Variants in MALRD1 observed in about 807,000 individuals in gnomAD.
The protein encoded by MALRD1 is MAM and LDL receptor class A domain containing 1.
Under a neutral mutation model 242.1 loss-of-function variants are expected in MALRD1, and 247 were observed. That is an observed-to-expected ratio of 1.02 (90% CI 0.92 to 1.13). The LOEUF is 1.13. Ranked by LOEUF, MALRD1 falls within the 50% of genes most tolerant of loss-of-function variation. The pLI, the probability that MALRD1 is intolerant of heterozygous loss-of-function variation, is 0.00. For missense variants in MALRD1, 2,989 were observed against 2,533.1 expected (o/e 1.18, Z -3.86); for synonymous variants, 995 against 866.6 (o/e 1.15, Z -2.60).
At chr10:19,552,867 A>G (rs1357964275) in intron 32 of MALRD1, among the ~76,000 whole-genome samples, 2 of 152,144 alleles carry the variant, frequency 1.3e-5, no homozygotes, top group African/African-American at 2.4e-5. Flanking sequence ...TTCAAGCTAT[A>G]GTCCACAACA....
chr10:19,389,099 CT>C, intron 27 of MALRD1: 12 of 365,024 alleles, frequency 3.3e-5, no homozygotes, highest in Admixed American at 7.3e-5. Context: ...CCATATCACT[CT>C]TTTTTTTAGA....
intron 18 of MALRD1, among the ~76,000 whole-genome samples, chr10:19,253,369 A>G (rs1839377440): frequency 6.6e-6 from 1 of 152,032 alleles, no homozygotes; most frequent in East Asian, 1.9e-4. Flanking sequence ...ACTTATGGCA[A>G]TAAGTATAGA....
At chr10:19,501,990 G>T (rs1268547702) in intron 31 of MALRD1, among the ~76,000 whole-genome samples, 1 of 134,938 alleles carries the variant, frequency 7.4e-6, no homozygotes, top group African/African-American at 2.8e-5. Context: ...TTACTCCATT[G>T]CACTCCAGCA....
chr10:19,441,219 C>A (rs1368101940), intron 28 of MALRD1, among the ~76,000 whole-genome samples: 2 of 151,850 alleles, frequency 1.3e-5, no homozygotes, highest in Admixed American at 6.6e-5. Context: ...AATTTAAGTT[C>A]TTTGTAGATT....
intron 21 of MALRD1, among the ~76,000 whole-genome samples, chr10:19,313,814 A>G (rs1235709430): frequency 6.6e-6 from 1 of 151,500 alleles, no homozygotes; most frequent in Non-Finnish European, 1.5e-5. Context: ...TACAATATTG[A>G]AACAGGAACT....
intron 19 of MALRD1, among the ~76,000 whole-genome samples, chr10:19,258,309 T>A (rs924681778): frequency 1.3e-5 from 2 of 152,134 alleles, no homozygotes; most frequent in African/African-American, 4.8e-5. Flanking sequence ...TTAACCTGGA[T>A]GTCTAGAAGG....
Position 19,642,879 on chromosome 10 carries a change from G to T in MALRD1, c.6137+26956G>T, listed in dbSNP as rs75949824. On this transcript the variant is annotated intron_variant, in intron 36 of 39. Transcript: ENST00000454679. ...GAGAATATTTCTAATAGGTTTCAGG[G>T]AGTAGATGCTGATAGGCATGAGCAA... Among the ~76,000 whole-genome samples the T allele has an allele frequency of 9.2e-3, 1,399 of 152,232 alleles. 18 individuals are homozygous for T. Among genetic ancestry groups the T allele is most frequent in the African/African-American group, 0.032 (1,312 of 41,546 alleles).
At position 19,241,376 on chromosome 10, in the gene MALRD1, A is replaced by G. The variant is rs79684772; in HGVS notation, c.2992-16308A>G. 3.2e-3 allele frequency among the ~76,000 whole-genome samples: 483 copies of G among 152,132 alleles called. 1 individual carries two copies. The highest frequency in any genetic ancestry group is 0.011 in the African/African-American group (470 of 41,524). Reference sequence around the variant, plus strand: ...ATTTGTTGGCATATAGTTACGAGTAATGTCTTACAATCCCTTATATTTCTG... The same window carrying G: ...ATTTGTTGGCATATAGTTACGAGTAGTGTCTTACAATCCCTTATATTTCTG... On this transcript the variant is annotated intron_variant, in intron 18 of 39. Transcript: ENST00000454679.
chr10:19,270,774 C>A (rs901027459), intron 19 of MALRD1, among the ~76,000 whole-genome samples: 1 of 148,358 alleles, frequency 6.7e-6, no homozygotes, highest in African/African-American at 2.5e-5. Flanking sequence ...AAAACTTTTT[C>A]AGGAAAGAGG....
At chr10:19,251,839 C>T (rs1402511053) in intron 18 of MALRD1, among the ~76,000 whole-genome samples, 2 of 151,888 alleles carry the variant, frequency 1.3e-5, no homozygotes, top group Admixed American at 6.6e-5. Flanking sequence ...GCGAATTTCC[C>T]CTTGCTGTTT....
At position 19,427,799 on chromosome 10, in the gene MALRD1, C is replaced by A. The variant is rs192987055; in HGVS notation, c.4846-22508C>A. Among the ~76,000 whole-genome samples the A allele has an allele frequency of 2.8e-3, 424 of 152,144 alleles. 1 individual carries two copies. Among genetic ancestry groups the A allele is most frequent in the Non-Finnish European group, 2.6e-3 (177 of 68,016 alleles). On this transcript the variant is annotated intron_variant, in intron 28 of 39. Coordinates refer to ENST00000454679, the MANE Select transcript of MALRD1 (RefSeq NM_001142308.3). ...TATATAGAACATACCTACATGAGGGCTAAAAGAGTCCCAATCATTTTGCAG... is the reference window on the plus strand; with the variant it reads ...TATATAGAACATACCTACATGAGGGATAAAAGAGTCCCAATCATTTTGCAG...
Position 19,629,709 on chromosome 10 carries a change from C to T in MALRD1, c.6137+13786C>T, listed in dbSNP as rs970787885. On this transcript the variant is annotated intron_variant, in intron 36 of 39. Coordinates refer to ENST00000454679, the MANE Select transcript of MALRD1 (RefSeq NM_001142308.3). Reference sequence around the variant, plus strand: ...AGAGACACAGCTCAGTGGTGGCGCTCGAGAGACTGGAGCTTCTAAGAATGC... The same window carrying T: ...AGAGACACAGCTCAGTGGTGGCGCTTGAGAGACTGGAGCTTCTAAGAATGC... Among the ~76,000 whole-genome samples, 6 of 152,202 alleles carry T rather than the reference C, an allele frequency of 3.9e-5. No individual in the cohort carries two copies. The East Asian group carries it at 7.8e-4, about 20-fold the overall frequency.
intron 28 of MALRD1, among the ~76,000 whole-genome samples, chr10:19,398,616 G>A (rs1230394181): frequency 6.6e-6 from 1 of 152,096 alleles, no homozygotes; most frequent in African/African-American, 2.4e-5. Flanking sequence ...TGAAGTTTGT[G>A]AAAATAAAGA....
chr10:19,485,810 C>T (rs1837213853), intron 29 of MALRD1, among the ~76,000 whole-genome samples: 1 of 151,812 alleles, frequency 6.6e-6, no homozygotes, highest in East Asian at 1.9e-4. Context: ...ATAACTACTT[C>T]CAATTATGAA....
intron 21 of MALRD1, among the ~76,000 whole-genome samples, chr10:19,313,219 G>T (rs1213875125): frequency 2.0e-5 from 3 of 151,158 alleles, no homozygotes; most frequent in Non-Finnish European, 4.4e-5. Context: ...TTTAATTTTA[G>T]TTAACTCATC....
intron 29 of MALRD1, among the ~76,000 whole-genome samples, chr10:19,466,297 T>A (rs567739938): frequency 6.6e-6 from 1 of 152,278 alleles, no homozygotes; most frequent in East Asian, 1.9e-4. Context: ...TCCTAGTAAT[T>A]TTGATGAAAA....
chr10:19,566,298 A>ATTTTTTTTTTTTTTTTTTTT (rs10548629), intron 32 of MALRD1, among the ~76,000 whole-genome samples: 1 of 111,040 alleles, frequency 9.0e-6, no homozygotes. Context: ...TGCCTGGCTA[A>ATTTTTTTTTTTTTTTTTTTT]TTTTTTTTTT....
chr10:19,199,539 G>T (rs1171383645), intron 14 of MALRD1, among the ~76,000 whole-genome samples: 1 of 152,020 alleles, frequency 6.6e-6, no homozygotes, highest in African/African-American at 2.4e-5. Flanking sequence ...AGTGGCTCAC[G>T]CCTGTAATCT....
At chr10:19,333,549 G>A (rs931178415) in intron 24 of MALRD1, among the ~76,000 whole-genome samples, 2 of 152,112 alleles carry the variant, frequency 1.3e-5, no homozygotes, top group Non-Finnish European at 2.9e-5. Flanking sequence ...ATCCACCATT[G>A]ATGGGCACCT....
Sources: allele counts gnomAD v4.1 joint callset (sites outside exome capture counted in the v4.1 genomes callset), GRCh38; gene constraint gnomAD v4.1.1; transcripts MANE v1.5; gene names NCBI Gene and HGNC (gene_info 2026-07-23, HGNC 2026-07-21).